The following TENM4 variants were observed in gnomAD, a reference collection of about 807,000 sequenced individuals.
TENM4 encodes the protein teneurin-4.
TENM4 carries 82 observed loss-of-function variants against 243.3 expected under a neutral mutation model. That is an observed-to-expected ratio of 0.34 (90% CI 0.28 to 0.40). The LOEUF is 0.40. TENM4 is among the 10% of genes least tolerant of loss of function. The pLI, the probability that TENM4 is intolerant of heterozygous loss-of-function variation, is 1.00. For synonymous variants in TENM4, 1,412 were observed against 1,456.3 expected (o/e 0.97, Z 0.69); for missense variants, 3,138 against 3,673.3 (o/e 0.85, Z 3.77).
intron 1 of TENM4, among the ~76,000 whole-genome samples, chr11:79,309,958 C>G (rs1217720442): frequency 1.3e-5 from 2 of 152,176 alleles, no homozygotes; most frequent in African/African-American, 2.4e-5. Flanking sequence ...CCTGTGGGAG[C>G]CTGTCCTGAC....
At chr11:79,418,937 A>G (rs966666241) in intron 1 of TENM4, among the ~76,000 whole-genome samples, 4 of 152,364 alleles carry the variant, frequency 2.6e-5, no homozygotes, top group Non-Finnish European at 5.9e-5. Flanking sequence ...CCAAAGAGGC[A>G]TACAGCCTTG....
chr11:79,166,150 C>T (rs1565232126), intron 3 of TENM4, among the ~76,000 whole-genome samples: 1 of 152,168 alleles, frequency 6.6e-6, no homozygotes, highest in Non-Finnish European at 1.5e-5. Context: ...TTGTGGGCAG[C>T]ACTGAATCAC....
chr11:79,177,841 G>T (rs1291185184), intron 3 of TENM4, among the ~76,000 whole-genome samples: 1 of 152,180 alleles, frequency 6.6e-6, no homozygotes, highest in African/African-American at 2.4e-5. Context: ...CAGCATCAGG[G>T]TGGGCCCTGC....
chr11:79,010,974 T>C (rs2136752097), intron 6 of TENM4, among the ~76,000 whole-genome samples: 1 of 152,220 alleles, frequency 6.6e-6, no homozygotes, highest in African/African-American at 2.4e-5. Flanking sequence ...TGGGCCTTAG[T>C]TTTCTGATCT....
intron 1 of TENM4, among the ~76,000 whole-genome samples, chr11:79,421,939 A>T (rs1464922771): frequency 6.6e-6 from 1 of 152,088 alleles, no homozygotes; most frequent in Non-Finnish European, 1.5e-5. Context: ...CAAGGTGCAG[A>T]TACCCCTTTC....
chr11:79,128,002 T>C (rs1433694580), intron 4 of TENM4, among the ~76,000 whole-genome samples: 1 of 152,180 alleles, frequency 6.6e-6, no homozygotes, highest in African/African-American at 2.4e-5. Context: ...AGCCCATTTA[T>C]TGAGTGACCC....
intron 4 of TENM4, among the ~76,000 whole-genome samples, chr11:79,079,049 A>G (rs1860599642): frequency 6.6e-6 from 1 of 152,134 alleles, no homozygotes; most frequent in Non-Finnish European, 1.5e-5. Flanking sequence ...CCTGGCCTGG[A>G]CTCCTGGGAG....
At chr11:79,191,686 GTCT>G (rs1863498341) in intron 3 of TENM4, 1 of 188,738 alleles carries the variant, frequency 5.3e-6, no homozygotes, top group African/African-American at 2.5e-5. Flanking sequence ...AGTGAGGAGC[GTCT>G]CTGCCCGGCA....
At chr11:78,823,344 ACC>A (rs1474382213) in intron 12 of TENM4, among the ~76,000 whole-genome samples, 1 of 152,134 alleles carries the variant, frequency 6.6e-6, no homozygotes, top group Non-Finnish European at 1.5e-5. Context: ...CCGGCTGAGC[ACC>A]TGACCCAAGC....
At chr11:78,854,988 T>C (rs1342911430) in intron 11 of TENM4, among the ~76,000 whole-genome samples, 1 of 152,192 alleles carries the variant, frequency 6.6e-6, no homozygotes, top group African/African-American at 2.4e-5. Flanking sequence ...TCAGTTACAC[T>C]GTGTTAACAA....
intron 2 of TENM4, among the ~76,000 whole-genome samples, chr11:79,278,919 A>C (rs997798898): frequency 6.6e-6 from 1 of 152,170 alleles, no homozygotes; most frequent in African/African-American, 2.4e-5. Context: ...CCTAAAGGGA[A>C]ATCTCACAGG....
At chr11:78,731,396 G>A (rs1041318791) in intron 21 of TENM4, among the ~76,000 whole-genome samples, 3 of 152,188 alleles carry the variant, frequency 2.0e-5, no homozygotes, top group Admixed American at 6.5e-5. Context: ...GGCTGGCATC[G>A]GAAGCCACTC....
chr11:79,260,585 G>A (rs566941734), intron 2 of TENM4, among the ~76,000 whole-genome samples: 41 of 152,288 alleles, frequency 2.7e-4, no homozygotes, highest in Non-Finnish European at 4.7e-4. Context: ...GAACTCTTCA[G>A]GGGCAGGAGA....
intron 1 of TENM4, among the ~76,000 whole-genome samples, chr11:79,328,420 T>C (rs1282265907): frequency 1.3e-5 from 2 of 152,202 alleles, no homozygotes; most frequent in African/African-American, 4.8e-5. Flanking sequence ...TCACAGCAGC[T>C]GGAAAGACAG....
intron 3 of TENM4, among the ~76,000 whole-genome samples, chr11:79,152,076 C>A (rs1312652259): frequency 6.6e-6 from 1 of 152,122 alleles, no homozygotes; most frequent in Non-Finnish European, 1.5e-5. Context: ...GCTAAATAAA[C>A]ATAAAATCCT....
chr11:78,776,369 T>C (rs1480335805), intron 17 of TENM4, among the ~76,000 whole-genome samples: 1 of 152,220 alleles, frequency 6.6e-6, no homozygotes, highest in Admixed American at 6.5e-5. Flanking sequence ...CATCACACTT[T>C]GTTGGAATTA....
intron 4 of TENM4, among the ~76,000 whole-genome samples, chr11:79,119,595 T>A (rs1446374384): frequency 6.6e-6 from 1 of 152,194 alleles, no homozygotes; most frequent in Non-Finnish European, 1.5e-5. Context: ...CTTTCTTAGA[T>A]TCCTAACGCT....
At chr11:78,697,732 T>C (rs1298242573) in intron 28 of TENM4, among the ~76,000 whole-genome samples, 1 of 152,108 alleles carries the variant, frequency 6.6e-6, no homozygotes, top group Non-Finnish European at 1.5e-5. Flanking sequence ...TGAGCATAAT[T>C]ATAATAGGAG....
chr11:79,091,355 A>G (rs1416516193), intron 4 of TENM4, among the ~76,000 whole-genome samples: 3 of 152,142 alleles, frequency 2.0e-5, no homozygotes, highest in Admixed American at 2.0e-4. Flanking sequence ...TTCCTTTTAC[A>G]TATATCTATT....
Sources: gnomAD v4.1 joint callset for allele counts (sites outside exome capture counted in the v4.1 genomes callset) on GRCh38, gnomAD v4.1.1 for gene constraint, MANE v1.5 for transcripts, NCBI Gene and HGNC (gene_info 2026-07-23, HGNC 2026-07-21) for gene names.